FAM227B: variants seen among roughly 807,000 people sequenced by gnomAD.
The protein encoded by FAM227B is protein FAM227B.
A neutral mutation model predicts 73.8 loss-of-function variants in FAM227B; 88 were observed. The ratio of observed to expected loss-of-function variants is 1.19; its 90% confidence interval spans 1.00 to 1.42. The LOEUF is 1.42. Among genes scored for constraint, FAM227B ranks in the 40% most tolerant of loss-of-function variants. The pLI, the probability that FAM227B is intolerant of heterozygous loss-of-function variation, is 0.00. For missense variants in FAM227B, 632 were observed against 590.9 expected (o/e 1.07, Z -0.72); for synonymous variants, 210 against 190.5 (o/e 1.10, Z -0.84).
rs1054152509 is a variant in FAM227B, at chr15:49,393,762, C to T, written c.1013-22363G>A. Among the ~76,000 whole-genome samples the T allele has an allele frequency of 5.4e-4, 82 of 152,150 alleles. 2 individuals carry two copies. The highest frequency in any genetic ancestry group is 9.6e-4 in the Non-Finnish European group (65 of 68,020). ...TAACTGAATCCAAACTTAATCAAATCAATCACACCAAAAGAAGGAACACCA... is the reference window on the plus strand; with the variant it reads ...TAACTGAATCCAAACTTAATCAAATTAATCACACCAAAAGAAGGAACACCA... On this transcript the variant is annotated intron_variant, in intron 11 of 15. Coordinates refer to ENST00000299338, the MANE Select transcript of FAM227B (RefSeq NM_152647.3).
intron 9 of FAM227B, among the ~76,000 whole-genome samples, chr15:49,561,554 G>T (rs1049561322): frequency 6.6e-6 from 1 of 152,034 alleles, no homozygotes; most frequent in Non-Finnish European, 1.5e-5. Context: ...CCATCAACTA[G>T]AAATGTGCAT....
intron 6 of FAM227B, 115 bp from the exon 7 acceptor site, chr15:49,576,960 A>G (rs1343571844): frequency 1.7e-6 from 1 of 598,404 alleles, no homozygotes; most frequent in Non-Finnish European, 2.9e-6. Flanking sequence ...TAATTACTTT[A>G]CTTCTTTTTA....
intron 11 of FAM227B, among the ~76,000 whole-genome samples, chr15:49,466,712 G>A (rs1277319271): frequency 6.6e-6 from 1 of 152,180 alleles, no homozygotes; most frequent in African/African-American, 2.4e-5. Context: ...GGAAACAGAA[G>A]AGAACGGCTG....
At position 49,396,360 on chromosome 15, in the gene FAM227B, T is replaced by G. The variant is rs55797968; in HGVS notation, c.1013-24961A>C. On this transcript the variant is annotated intron_variant, in intron 11 of 15. Coordinates refer to ENST00000299338, the MANE Select transcript of FAM227B (RefSeq NM_152647.3). ...CGGAGGGTCCTACGCCCACGGAGTC[T>G]CGCTGATTGCTAGCACAGCAGTCTG... is the stretch of plus-strand genomic sequence containing the variant. 1.5e-3 allele frequency: 425 copies of G among 276,500 alleles called. 3 individuals are homozygous for G. Among genetic ancestry groups the G allele is most frequent in the Non-Finnish European group, 1.7e-3 (233 of 139,638 alleles). 17.1% of individuals were successfully genotyped at this position (276,500 alleles called of 1,614,324 possible). A position where few individuals can be genotyped will look rare whatever the true frequency, so the allele number is the denominator to read the frequency against.
intron 5 of FAM227B, among the ~76,000 whole-genome samples, chr15:49,581,509 G>A (rs1257879224): frequency 1.3e-5 from 2 of 151,896 alleles, no homozygotes; most frequent in Non-Finnish European, 2.9e-5. Context: ...GTAGAGATGG[G>A]GTTTCACCAT....
chr15:49,610,946 G>A (rs1359292954), intron 3 of FAM227B, among the ~76,000 whole-genome samples: 1 of 151,988 alleles, frequency 6.6e-6, no homozygotes, highest in Non-Finnish European at 1.5e-5. Flanking sequence ...AAATACATAA[G>A]ACAAAAATCT....
At chr15:49,417,122 T>G (rs2151713396) in intron 11 of FAM227B, among the ~76,000 whole-genome samples, 1 of 152,262 alleles carries the variant, frequency 6.6e-6, no homozygotes, top group East Asian at 1.9e-4. Context: ...TTGGGTGCAG[T>G]TGCTCACACC....
intron 10 of FAM227B, among the ~76,000 whole-genome samples, chr15:49,516,252 T>C (rs878906871): frequency 6.6e-6 from 1 of 152,150 alleles, no homozygotes; most frequent in Admixed American, 6.6e-5. Flanking sequence ...ATCCCTAAGC[T>C]TTCTTATGAG....
intron 9 of FAM227B, among the ~76,000 whole-genome samples, chr15:49,550,686 C>G (rs568494407): frequency 6.6e-6 from 1 of 151,776 alleles, no homozygotes; most frequent in Non-Finnish European, 1.5e-5. Flanking sequence ...AGACGATGGG[C>G]GGCCGGGCAG....
intron 11 of FAM227B, among the ~76,000 whole-genome samples, chr15:49,406,696 G>A (rs2048536078): frequency 6.6e-6 from 1 of 152,064 alleles, no homozygotes; most frequent in African/African-American, 2.4e-5. Context: ...TGGCAGGGCA[G>A]GGTGCATACA....
intron 11 of FAM227B, among the ~76,000 whole-genome samples, chr15:49,493,186 C>T (rs1403622966): frequency 1.3e-5 from 2 of 152,064 alleles, no homozygotes; most frequent in East Asian, 3.9e-4. Context: ...TGTTCCAAGT[C>T]CTCGTCTCAA....
At chr15:49,512,658 A>C (rs2059092900) in intron 10 of FAM227B, among the ~76,000 whole-genome samples, 1 of 152,166 alleles carries the variant, frequency 6.6e-6, no homozygotes, top group South Asian at 2.1e-4. Context: ...TACATGTGCC[A>C]TGGTGGTTTG....
chr15:49,353,413 CCAT>C (rs1366509410), intron 13 of FAM227B: 1 of 152,132 alleles, frequency 6.6e-6, no homozygotes, highest in East Asian at 1.9e-4. Flanking sequence ...TATCAATTCT[CCAT>C]CATATTTTGG....
chr15:49,560,965 C>T lies in FAM227B; in HGVS notation c.747+7280G>A, dbSNP rs58313645. Among the ~76,000 whole-genome samples, 1,476 of 152,156 alleles carry T rather than the reference C, an allele frequency of 9.7e-3. 23 individuals carry two copies. The highest frequency in any genetic ancestry group is 0.034 in the African/African-American group (1,418 of 41,520). On this transcript the variant is annotated intron_variant, in intron 9 of 15. Coordinates refer to ENST00000299338, the MANE Select transcript of FAM227B (RefSeq NM_152647.3). ...ACCCACATACCCAATAAAGCAAGTA[C>T]ATAATAGAAGATAGAAAACAATAAG...
chr15:49,400,795 C>G (rs2048081834), intron 11 of FAM227B, among the ~76,000 whole-genome samples: 1 of 150,948 alleles, frequency 6.6e-6, no homozygotes, highest in Non-Finnish European at 1.5e-5. Flanking sequence ...ACTGGCTAGC[C>G]ATATGCAGAA....
intron 9 of FAM227B, among the ~76,000 whole-genome samples, chr15:49,558,123 AAT>A (rs1491418492): frequency 0.33 from 49,535 of 151,428 alleles, 8,823 homozygotes; most frequent in African/African-American, 0.46. Flanking sequence ...CCTAATGCCT[AAT>A]GCCCCAACTT....
At chr15:49,613,399 G>C (rs73406015) in intron 2 of FAM227B, among the ~76,000 whole-genome samples, 4,322 of 152,120 alleles carry the variant, frequency 0.028, 214 homozygotes, top group African/African-American at 0.1. Context: ...TACTCGAGAG[G>C]CTGAGGTGAG....
chr15:49,549,306 T>C (rs1428805482), intron 9 of FAM227B, among the ~76,000 whole-genome samples: 1 of 149,338 alleles, frequency 6.7e-6, no homozygotes, highest in African/African-American at 2.5e-5. Context: ...TCTTCTCTTA[T>C]TGATTTGCAT....
chr15:49,594,162 T>C (rs1598439092), intron 3 of FAM227B, among the ~76,000 whole-genome samples: 1 of 152,224 alleles, frequency 6.6e-6, no homozygotes, highest in Non-Finnish European at 1.5e-5. Flanking sequence ...TGATTTGTAT[T>C]TCCCTGATAA....
Sources: gnomAD v4.1 joint callset for allele counts (sites outside exome capture counted in the v4.1 genomes callset) on GRCh38, gnomAD v4.1.1 for gene constraint, MANE v1.5 for transcripts, NCBI Gene and HGNC (gene_info 2026-07-23, HGNC 2026-07-21) for gene names.